Variants in TLN2 observed in about 807,000 individuals in gnomAD.
TLN2 encodes the protein talin 2.
Under a neutral mutation model 294.7 loss-of-function variants are expected in TLN2, and 118 were observed. That is an observed-to-expected ratio of 0.40 (90% CI 0.34 to 0.47). TLN2 has a LOEUF of 0.47. TLN2 is among the 20% of genes least tolerant of loss of function. TLN2 has a pLI of 0.84. For synonymous variants in TLN2, 1,431 were observed against 1,304.5 expected (o/e 1.10, Z -2.09); for missense variants, 3,083 against 3,282.2 (o/e 0.94, Z 1.48).
intron 9 of TLN2, among the ~76,000 whole-genome samples, chr15:62,659,957 T>C (rs983352855): frequency 5.3e-5 from 8 of 152,234 alleles, no homozygotes; most frequent in African/African-American, 1.7e-4. Context: ...GTCCTGTTTT[T>C]ACCTGGGCTG....
At chr15:62,474,077 G>A (rs774712407) in intron 1 of TLN2, among the ~76,000 whole-genome samples, 1 of 152,286 alleles carries the variant, frequency 6.6e-6, no homozygotes, top group Non-Finnish European at 1.5e-5. Context: ...CCTGGGTAAC[G>A]AGCGAAAGTC....
intron 52 of TLN2, among the ~76,000 whole-genome samples, chr15:62,817,875 A>G (rs901312268): frequency 1.4e-5 from 2 of 144,324 alleles, no homozygotes; most frequent in Non-Finnish European, 3.0e-5. Context: ...CTGGAGTGCA[A>G]TGGTGCAATC....
At position 62,711,951 on chromosome 15, in the gene TLN2, A is replaced by T; in HGVS notation, c.2508A>T (p.Thr836=). Reference sequence around the variant, plus strand: ...AGGCGCGGGTTCTGGCCCAAGCCACATCAGACCTCGTCAATGCCATGAGGT... The same window carrying T: ...AGGCGCGGGTTCTGGCCCAAGCCACTTCAGACCTCGTCAATGCCATGAGGT... ...VRQARVLAQA[T]SDLVNAMRSD... The change falls in exon 22 of 59, where the codon ACA becomes ACT. Residue 836 remains threonine (T), a synonymous_variant. Coordinates refer to ENST00000636159, the MANE Select transcript of TLN2 (RefSeq NM_015059.3). 6.2e-7 allele frequency: 1 copy of T among 1,614,018 alleles called. No individual in the cohort carries two copies. Among genetic ancestry groups the T allele is most frequent in the Non-Finnish European group, 8.5e-7 (1 of 1,179,868 alleles).
intron 21 of TLN2, 27 bp from the exon 22 acceptor site, chr15:62,711,884 G>A (rs777790033): frequency 4.4e-6 from 7 of 1,586,470 alleles, no homozygotes; most frequent in Non-Finnish European, 6.0e-6. Flanking sequence ...CAGACAAACA[G>A]ACCTCATCCT....
chr15:62,482,082 C>T lies in TLN2; in HGVS notation c.-238+91397C>T, dbSNP rs545526564. ...AAAGTTCATTATAGGAGTGAGCCAC[C>T]GCACCTGGCTATTTCTTTATATTAA... is the stretch of plus-strand genomic sequence containing the variant. On this transcript the variant is annotated intron_variant, in intron 1 of 58. Coordinates refer to ENST00000636159, the MANE Select transcript of TLN2 (RefSeq NM_015059.3). 7.9e-5 allele frequency among the ~76,000 whole-genome samples: 12 copies of T among 152,046 alleles called. No individual in the cohort carries two copies. In the South Asian group the frequency reaches 1.5e-3, roughly 18 times the overall value.
chr15:62,744,769 A>T, intron 32 of TLN2, among the ~76,000 whole-genome samples: 1 of 152,018 alleles, frequency 6.6e-6, no homozygotes, highest in East Asian at 1.9e-4. Flanking sequence ...CTGGTCTCAA[A>T]ACTCCTGACC....
intron 9 of TLN2, among the ~76,000 whole-genome samples, chr15:62,661,067 T>A (rs1480533995): frequency 2.0e-5 from 3 of 152,280 alleles, no homozygotes; most frequent in South Asian, 2.1e-4. Flanking sequence ...AAAGAAGAAT[T>A]AACTCTTAAA....
rs776896175 is a variant in TLN2, at chr15:62,740,739, A to G, written c.3995A>G (p.Asn1332Ser). ...CTCTCTGTAGATCCAGGAGCTCCCAATGCGAAAAATCTCCTGGCTGCAGCT... is the reference window on the plus strand; with the variant it reads ...CTCTCTGTAGATCCAGGAGCTCCCAGTGCGAAAAATCTCCTGGCTGCAGCT... ...KSLSVDPGAP[N>S]AKNLLAAAAR... Residue 1332 changes from asparagine to serine, a missense_variant, in exon 32 of 59, where the codon AAT becomes AGT. Coordinates refer to ENST00000636159, the MANE Select transcript of TLN2 (RefSeq NM_015059.3). 6.8e-6 allele frequency: 11 copies of G among 1,614,204 alleles called. No individual in the cohort carries two copies. In the East Asian group the frequency reaches 1.3e-4, roughly 20 times the overall value.
At chr15:62,838,821 C>T (rs1192829491) in intron 57 of TLN2, 35 bp from the exon 58 acceptor site, 8 of 1,606,020 alleles carry the variant, frequency 5.0e-6, no homozygotes, top group East Asian at 2.2e-5. Context: ...ATGGCTGTTT[C>T]TAATGATATA....
rs2059868782 is a variant in TLN2 at position 62,717,668 on chromosome 15, G to T, written c.2856G>T (p.Gln952His). 1 of 1,598,328 alleles carries T rather than the reference G, an allele frequency of 6.3e-7. No homozygotes were observed. The highest frequency in any genetic ancestry group is 8.5e-7 in the Non-Finnish European group (1 of 1,173,360). Residue 952 changes from glutamine (Q) to histidine (H), a missense_variant, in exon 24 of 59, where the codon CAG (glutamine) becomes CAT (histidine). Physicochemically the swap from Gln to His is conservative, Grantham distance 24. Transcript: ENST00000636159. ...CCAACAAGAACCCTGCGGCCCAGCA[G>T]CAGCTGGTCCAGAGTTGCAAGGTGA... Reference protein sequence around the residue: ...AVSNKNPAAQQQLVQSCKAVA... With the variant: ...AVSNKNPAAQHQLVQSCKAVA...
intron 9 of TLN2, among the ~76,000 whole-genome samples, chr15:62,672,327 T>TA (rs1472336577): frequency 1.2e-4 from 18 of 152,150 alleles, no homozygotes; most frequent in African/African-American, 3.4e-4. Context: ...AATGATTTTT[T>TA]AAAAAAATCT....
At chr15:62,802,374 G>A (rs1392290582) in intron 50 of TLN2, among the ~76,000 whole-genome samples, 1 of 151,194 alleles carries the variant, frequency 6.6e-6, no homozygotes, top group Non-Finnish European at 1.5e-5. Flanking sequence ...CAACCTAAGT[G>A]TCCATCAACA....
At chr15:62,693,048 G>A in intron 13 of TLN2, 107 bp downstream of exon 13, 1 of 908,682 alleles carries the variant, frequency 1.1e-6, no homozygotes, top group Non-Finnish European at 1.7e-6. Context: ...TAATACTTGA[G>A]GCCAGGCATG....
chr15:62,400,814 T>G (rs1334854701), intron 1 of TLN2, among the ~76,000 whole-genome samples: 1 of 143,396 alleles, frequency 7.0e-6, no homozygotes, highest in Non-Finnish European at 1.5e-5. Context: ...TGTTTCCGGT[T>G]TTTTTTTTTT....
chr15:62,567,642 G>A (rs2043517363), intron 1 of TLN2, among the ~76,000 whole-genome samples: 1 of 143,982 alleles, frequency 6.9e-6, no homozygotes, highest in African/African-American at 2.4e-5. Flanking sequence ...TGAGACCAGT[G>A]TGACAAACAT....
intron 1 of TLN2, among the ~76,000 whole-genome samples, chr15:62,496,245 G>C (rs1017567498): frequency 5.3e-5 from 8 of 152,202 alleles, no homozygotes; most frequent in African/African-American, 1.7e-4. Flanking sequence ...ACGAAGAGAA[G>C]CAGCTTATTT....
At position 62,566,778 on chromosome 15, in the gene TLN2, A is replaced by T. The variant is rs968211348; in HGVS notation, c.-237-22909A>T. On this transcript the variant is annotated intron_variant, in intron 1 of 58. Coordinates refer to ENST00000636159, the MANE Select transcript of TLN2 (RefSeq NM_015059.3). ...CACTGTGTTGCCCGGGCTGGTCTCA[A>T]ACTCCTGGGCACAGTCTTCCTGCCC... 4.6e-5 allele frequency among the ~76,000 whole-genome samples: 7 copies of T among 151,948 alleles called. No individual in the cohort carries two copies. The East Asian group carries it at 1.4e-3, about 29-fold the overall frequency.
chr15:62,585,952 C>T (rs1007553780), intron 1 of TLN2, among the ~76,000 whole-genome samples: 3 of 152,182 alleles, frequency 2.0e-5, no homozygotes, highest in South Asian at 2.1e-4. Context: ...TTGCTGATTG[C>T]ATCAGACATA....
rs749263029 is a variant in TLN2, at chr15:62,725,118, G to A, written c.3255+14G>A. The A allele has an allele frequency of 1.7e-5, 28 of 1,603,060 alleles. No individual in the cohort carries two copies. Among genetic ancestry groups the A allele is most frequent in the Non-Finnish European group, 2.4e-5 (28 of 1,173,518 alleles). On this transcript the variant is annotated intron_variant, in intron 27 of 58. Transcript: ENST00000636159. ...CCAGGGGAAACGGTGAGCTGTTAGA[G>A]CCAGCTGGGGTGCGGGTGTACCTTT... is the stretch of plus-strand genomic sequence containing the variant.
Sources: allele counts gnomAD v4.1 joint callset (sites outside exome capture counted in the v4.1 genomes callset), GRCh38; gene constraint gnomAD v4.1.1; transcripts MANE v1.5; gene names NCBI Gene and HGNC (gene_info 2026-07-23, HGNC 2026-07-21).